Variants in CPNE5 observed in about 807,000 individuals in gnomAD.
CPNE5 encodes copine 5, also known as copine-5.
CPNE5 carries 42 observed loss-of-function variants against 81.1 expected under a neutral mutation model. The ratio of observed to expected loss-of-function variants is 0.52; its 90% CI spans 0.40 to 0.67. CPNE5 has a LOEUF of 0.67. CPNE5 is among the 30% of genes least tolerant of loss of function. The pLI is 0.00. For synonymous variants in CPNE5, 313 were observed against 321.5 expected, an observed-to-expected ratio of 0.97 and a Z score of 0.28; for missense variants, 612 against 815.5, an observed-to-expected ratio of 0.75 and a Z score of 3.04.
At chr6:36,777,012 C>G (rs2150458589) in intron 9 of CPNE5, among the ~76,000 whole-genome samples, 1 of 152,332 alleles carries the variant, frequency 6.6e-6, no homozygotes, top group East Asian at 1.9e-4. Flanking sequence ...CCACGGGATC[C>G]CCTAGAAGGG....
chr6:36,828,557 TGGC>T (rs1772719790), intron 1 of CPNE5, among the ~76,000 whole-genome samples: 1 of 152,216 alleles, frequency 6.6e-6, no homozygotes, highest in Admixed American at 6.5e-5. Flanking sequence ...GCAAAGGCTT[TGGC>T]TTCAGCATAG....
intron 12 of CPNE5, 87 bp downstream of exon 12, chr6:36,762,830 C>G: frequency 9.6e-7 from 1 of 1,043,914 alleles, no homozygotes; most frequent in Non-Finnish European, 1.5e-6. Context: ...ACACACCAAG[C>G]CCCCAGCCCA....
At chr6:36,749,083 C>T (rs1337638822) in intron 14 of CPNE5, among the ~76,000 whole-genome samples, 9 of 151,934 alleles carry the variant, frequency 5.9e-5, no homozygotes, top group Non-Finnish European at 8.8e-5. Flanking sequence ...ACCACAGGCA[C>T]GCACCACCAC....
chr6:36,755,972 T>A (rs1397553743), intron 13 of CPNE5: 1 of 499,960 alleles, frequency 2.0e-6, no homozygotes, highest in Non-Finnish European at 3.5e-6. Context: ...ATACGACTTC[T>A]CTTCCTCTTC....
rs1391040376 is a variant in CPNE5 at position 36,765,487 on chromosome 6, G to A, written c.738-111C>T. 1.2e-5 allele frequency: 15 copies of A among 1,260,458 alleles called. No individual in the cohort carries two copies. The Middle Eastern group carries it at 7.6e-4, about 64-fold the overall frequency. The allele number at this position is 1,260,458 out of a possible 1,614,324, so 78.1% of individuals were successfully genotyped here. A position where few individuals can be genotyped will look rare whatever the true frequency, so the allele number is the denominator to read the frequency against. ...GATAGGGAGGCCAGGACTCCCTCTG[G>A]GCCCCAGGGCCCTGGGTGGGGAGGC... On this transcript the variant is annotated intron_variant, in intron 10 of 20. Coordinates refer to ENST00000244751, the MANE Select transcript of CPNE5 (RefSeq NM_020939.2).
chr6:36,834,279 G>A (rs914541555), intron 1 of CPNE5, among the ~76,000 whole-genome samples: 22 of 72,636 alleles, frequency 3.0e-4, no homozygotes, highest in South Asian at 2.0e-3. Flanking sequence ...AAAAAAAAAA[G>A]GAAGGAAGGG....
intron 6 of CPNE5, 35 bp from the exon 7 acceptor site, chr6:36,794,684 G>C: frequency 6.2e-7 from 1 of 1,601,386 alleles, no homozygotes; most frequent in East Asian, 2.2e-5. Context: ...AGCATGCCAT[G>C]AGCTGAGTAC....
chr6:36,799,904 G>A (rs535626658), intron 4 of CPNE5, 63 bp downstream of exon 4: 2 of 1,220,564 alleles, frequency 1.6e-6, no homozygotes, highest in African/African-American at 1.5e-5. Flanking sequence ...CAGGTCTGTG[G>A]TCCTACCTGC....
At chr6:36,792,524 T>C (rs1190595593) in intron 7 of CPNE5, 1 of 574,926 alleles carries the variant, frequency 1.7e-6, no homozygotes, top group African/African-American at 1.9e-5. Context: ...ACAGTCCAGC[T>C]CTGAGCCACT....
intron 8 of CPNE5, among the ~76,000 whole-genome samples, chr6:36,790,392 T>C (rs1768977468): frequency 6.6e-6 from 1 of 152,138 alleles, no homozygotes; most frequent in Admixed American, 6.6e-5. Flanking sequence ...TCAAAACTAT[T>C]TACATAATAA....
intron 7 of CPNE5, 122 bp downstream of exon 7, chr6:36,794,468 C>A (rs1769385049): frequency 5.6e-6 from 5 of 896,834 alleles, no homozygotes; most frequent in Non-Finnish European, 5.3e-6. Context: ...GACTCTCTGT[C>A]CCCGGATCAG....
chr6:36,784,169 G>T (rs1340174204), intron 8 of CPNE5, among the ~76,000 whole-genome samples: 1 of 152,200 alleles, frequency 6.6e-6, no homozygotes, highest in Non-Finnish European at 1.5e-5. Flanking sequence ...AGGCATTGCT[G>T]GGGGGTTGGC....
chr6:36,804,457 A>G (rs897920886), intron 3 of CPNE5, among the ~76,000 whole-genome samples: 4 of 152,216 alleles, frequency 2.6e-5, no homozygotes, highest in African/African-American at 7.2e-5. Context: ...CAAAAGGAAC[A>G]TGTCTCTTAA....
chr6:36,765,250 G>T, intron 11 of CPNE5, 85 bp downstream of exon 11: 2 of 1,492,396 alleles, frequency 1.3e-6, no homozygotes, highest in Non-Finnish European at 1.8e-6. Flanking sequence ...GGGGAGCCTG[G>T]TCACAGCTCC....
chr6:36,770,156 A>T (rs1030920937), intron 10 of CPNE5, among the ~76,000 whole-genome samples: 4 of 152,100 alleles, frequency 2.6e-5, no homozygotes, highest in Non-Finnish European at 4.4e-5. Context: ...ACTTCCTGTG[A>T]CTTCAGCTCT....
At chr6:36,838,272 G>A (rs1019836786) in intron 1 of CPNE5, among the ~76,000 whole-genome samples, 11 of 152,206 alleles carry the variant, frequency 7.2e-5, no homozygotes, top group Admixed American at 2.0e-4. Context: ...GGGTGATTTC[G>A]AACAAGGGCA....
intron 12 of CPNE5, among the ~76,000 whole-genome samples, chr6:36,762,551 A>G (rs1170675520): frequency 6.6e-6 from 1 of 152,164 alleles, no homozygotes; most frequent in African/African-American, 2.4e-5. Flanking sequence ...GATTGAAAGC[A>G]CAAGGCCACC....
intron 9 of CPNE5, among the ~76,000 whole-genome samples, chr6:36,778,457 A>T (rs897975222): frequency 6.6e-6 from 1 of 152,156 alleles, no homozygotes; most frequent in African/African-American, 2.4e-5. Context: ...GGCTGTGAGG[A>T]CAGGGGGCTG....
intron 11 of CPNE5, among the ~76,000 whole-genome samples, chr6:36,764,664 T>C (rs975049396): frequency 1.3e-5 from 2 of 152,130 alleles, no homozygotes; most frequent in East Asian, 1.9e-4. Context: ...TTCCCAGAAG[T>C]ACTGGCCTCC....
Sources: gnomAD v4.1 joint callset for allele counts (sites outside exome capture counted in the v4.1 genomes callset) on GRCh38, gnomAD v4.1.1 for gene constraint, MANE v1.5 for transcripts, NCBI Gene and HGNC (gene_info 2026-07-23, HGNC 2026-07-21) for gene names.